The following CDC73 variants were observed in gnomAD, a reference collection of about 807,000 sequenced individuals.
The protein encoded by CDC73 is parafibromin.
Under a neutral mutation model 83.7 loss-of-function variants are expected in CDC73, and 21 were observed. The observed-to-expected ratio is 0.25, with a 90% confidence interval of 0.18 to 0.36. The LOEUF (loss-of-function observed/expected upper bound fraction) is 0.36, where lower values mean the gene tolerates loss of function less well. CDC73 is among the 10% of genes least tolerant of loss of function. CDC73 has a pLI of 1.00. For missense variants in CDC73, 342 were observed against 653.3 expected, an observed-to-expected ratio of 0.52 and a Z score of 5.19; for synonymous variants, 224 against 212.9, an observed-to-expected ratio of 1.05 and a Z score of -0.45.
intron 11 of CDC73, among the ~76,000 whole-genome samples, chr1:193,209,544 C>T (rs1677242789): frequency 6.6e-6 from 1 of 152,138 alleles, no homozygotes; most frequent in African/African-American, 2.4e-5. Flanking sequence ...CTCTGTCATA[C>T]AAACTCCTTA....
chr1:193,175,706 A>G (rs1025996069), intron 10 of CDC73, among the ~76,000 whole-genome samples: 34 of 152,226 alleles, frequency 2.2e-4, no homozygotes, highest in Non-Finnish European at 5.0e-4. Context: ...TAAAGTATGC[A>G]GGAGGATGTG....
At chr1:193,136,701 C>T in intron 5 of CDC73, 1 of 164,426 alleles carries the variant, frequency 6.1e-6, no homozygotes, top group Middle Eastern at 7.8e-4. Context: ...GAATATTTCC[C>T]CTTATATGAA....
chr1:193,209,882 C>G (rs969545320), intron 11 of CDC73, among the ~76,000 whole-genome samples: 4 of 152,142 alleles, frequency 2.6e-5, no homozygotes, highest in South Asian at 4.1e-4. Flanking sequence ...TCCTCTCCCC[C>G]CTCTCTGCCT....
At chr1:193,122,676 AC>A (rs1185627289) in intron 1 of CDC73, 2 of 220,418 alleles carry the variant, frequency 9.1e-6, no homozygotes, top group East Asian at 2.0e-4. Context: ...AAAGGAGCAC[AC>A]CGTCTGGTGC....
chr1:193,204,214 T>TAC lies in CDC73; in HGVS notation c.1030+363_1030+364insCA, dbSNP rs778567503. Among the ~76,000 whole-genome samples the TAC allele has an allele frequency of 1.1e-3, 16 of 14,610 alleles. No homozygotes were observed. The South Asian group carries it at 0.034, about 31-fold the overall frequency. 9.6% of individuals were successfully genotyped at this position (14,610 alleles called of 152,430 possible). A position where few individuals can be genotyped will look rare whatever the true frequency, so the allele number is the denominator to read the frequency against. ...ACACACATATATATACGTGTATATATATGTATATATATGTATATATACACG... is the reference window on the plus strand; with the variant it reads ...ACACACATATATATACGTGTATATATACATGTATATATATGTATATATACACG... On this transcript the variant is annotated intron_variant, in intron 11 of 16. Coordinates refer to ENST00000367435, the MANE Select transcript of CDC73 (RefSeq NM_024529.5).
chr1:193,139,717 T>A (rs1675870313), intron 6 of CDC73, among the ~76,000 whole-genome samples: 1 of 152,212 alleles, frequency 6.6e-6, no homozygotes, highest in South Asian at 2.1e-4. Context: ...TGGGACACAG[T>A]TAAATCCCTT....
intron 10 of CDC73, among the ~76,000 whole-genome samples, chr1:193,168,087 C>T (rs1472659085): frequency 6.6e-6 from 1 of 152,074 alleles, no homozygotes; most frequent in African/African-American, 2.4e-5. Context: ...TCCCAAACTC[C>T]TGACCTCAAG....
At chr1:193,158,967 A>G (rs1018190362) in intron 10 of CDC73, among the ~76,000 whole-genome samples, 17 of 152,184 alleles carry the variant, frequency 1.1e-4, no homozygotes, top group Admixed American at 4.6e-4. Flanking sequence ...GTTTTTTGTT[A>G]GATATGCATT....
rs67477778 is a variant in CDC73 at position 193,144,112 on chromosome 1, C to CA, written c.729+2066dup. 3.4e-3 allele frequency among the ~76,000 whole-genome samples: 216 copies of CA among 64,334 alleles called. 9 individuals are homozygous for CA. The highest frequency in any genetic ancestry group is 0.024 in the East Asian group (55 of 2,268). The allele number at this position is 64,334 out of a possible 152,430, so 42.2% of individuals were successfully genotyped here. On this transcript the variant is annotated intron_variant, in intron 7 of 16. Transcript: ENST00000367435. ...GTGACAGAGTGAGACTCTGTCTCAC[C>CA]AAAAAAAAAAAAAAAAAAAATTTCA...
intron 10 of CDC73, among the ~76,000 whole-genome samples, chr1:193,187,234 T>C (rs562781940): frequency 6.6e-6 from 1 of 152,154 alleles, no homozygotes; most frequent in Non-Finnish European, 1.5e-5. Flanking sequence ...GAAAACTTTA[T>C]TTTAAATCAC....
In CDC73 at chr1:193,203,778, T is replaced by G. The variant is rs749913431; in HGVS notation, c.973-17T>G. The G allele has an allele frequency of 6.3e-7, 1 of 1,597,920 alleles. No homozygotes were observed. The highest frequency in any genetic ancestry group is 8.6e-7 in the Non-Finnish European group (1 of 1,165,446). Reference sequence around the variant, plus strand: ...AAGAAACTTTGATCTTATATATCAATTCTTATTCTTTTAAAGGAGGGTGCA... The same window carrying G: ...AAGAAACTTTGATCTTATATATCAAGTCTTATTCTTTTAAAGGAGGGTGCA... On this transcript the variant is annotated splice_polypyrimidine_tract_variant and intron_variant, in intron 10 of 16. Coordinates refer to ENST00000367435, the MANE Select transcript of CDC73 (RefSeq NM_024529.5).
At chr1:193,158,671 A>C (rs959774119) in intron 10 of CDC73, among the ~76,000 whole-genome samples, 4 of 152,164 alleles carry the variant, frequency 2.6e-5, no homozygotes, top group Non-Finnish European at 5.9e-5. Flanking sequence ...ATTACACTTT[A>C]AACAATTTTC....
At chr1:193,173,911 T>C (rs896795866) in intron 10 of CDC73, among the ~76,000 whole-genome samples, 1 of 152,178 alleles carries the variant, frequency 6.6e-6, no homozygotes, top group Non-Finnish European at 1.5e-5. Flanking sequence ...AATTTTGGGA[T>C]ATCTTTATTC....
intron 13 of CDC73, among the ~76,000 whole-genome samples, chr1:193,230,263 C>A: frequency 6.6e-6 from 1 of 151,296 alleles, no homozygotes. Flanking sequence ...ATTTTCCTGC[C>A]TCAGCTTCCA....
At chr1:193,228,551 C>T (rs1289734661) in intron 13 of CDC73, among the ~76,000 whole-genome samples, 1 of 152,032 alleles carries the variant, frequency 6.6e-6, no homozygotes, top group Non-Finnish European at 1.5e-5. Flanking sequence ...ACAAAGACAT[C>T]AATGCAATTC....
chr1:193,159,420 G>T (rs1218771607), intron 10 of CDC73, among the ~76,000 whole-genome samples: 1 of 152,198 alleles, frequency 6.6e-6, no homozygotes, highest in East Asian at 1.9e-4. Context: ...ACCCAGGCTG[G>T]AGTGCGGTAG....
chr1:193,161,029 C>T (rs1676299216), intron 10 of CDC73: 1 of 162,968 alleles, frequency 6.1e-6, no homozygotes, highest in African/African-American at 2.4e-5. Flanking sequence ...TCTTAGTATT[C>T]ATTGAAGTGT....
At chr1:193,187,772 A>G (rs570605932) in intron 10 of CDC73, among the ~76,000 whole-genome samples, 1 of 152,270 alleles carries the variant, frequency 6.6e-6, no homozygotes, top group South Asian at 2.1e-4. Flanking sequence ...TTTGCTGATG[A>G]AATGTGCTTT....
At chr1:193,128,898 A>G (rs1675636730) in intron 2 of CDC73, among the ~76,000 whole-genome samples, 1 of 151,510 alleles carries the variant, frequency 6.6e-6, no homozygotes, top group Non-Finnish European at 1.5e-5. Flanking sequence ...TTAGCTACCA[A>G]TTTTTCTTGC....
Sources: allele counts gnomAD v4.1 joint callset (sites outside exome capture counted in the v4.1 genomes callset), GRCh38; gene constraint gnomAD v4.1.1; transcripts MANE v1.5; gene names NCBI Gene and HGNC (gene_info 2026-07-23, HGNC 2026-07-21).